The following ASIC2 variants were observed in gnomAD, a reference collection of about 807,000 sequenced individuals.
The protein encoded by ASIC2 is acid sensing ion channel subunit 2, also known as acid-sensing ion channel 2.
ASIC2 carries 25 observed loss-of-function variants against 57.3 expected under a neutral mutation model. That is an observed-to-expected ratio of 0.44 (90% CI 0.32 to 0.61). The LOEUF (loss-of-function observed/expected upper bound fraction) is 0.61, where lower values mean the gene tolerates loss of function less well. ASIC2 is among the 20% of genes least tolerant of loss of function. ASIC2 has a pLI of 0.06. For missense variants in ASIC2, 641 were observed against 738.1 expected, an observed-to-expected ratio of 0.87 and a Z score of 1.52; for synonymous variants, 319 against 307.5, an observed-to-expected ratio of 1.04 and a Z score of -0.39.
At chr17:33,430,009 A>G (rs1338352405) in intron 1 of ASIC2, among the ~76,000 whole-genome samples, 1 of 152,054 alleles carries the variant, frequency 6.6e-6, no homozygotes, top group Non-Finnish European at 1.5e-5. Flanking sequence ...TCCAGATCCT[A>G]CTCATTTCAC....
chr17:33,643,204 A>G (rs1906637562), intron 1 of ASIC2, among the ~76,000 whole-genome samples: 1 of 151,224 alleles, frequency 6.6e-6, no homozygotes, highest in Admixed American at 6.6e-5. Context: ...AAATTATGAC[A>G]TCTTGCCATT....
chr17:33,778,502 A>C (rs1187721374), intron 1 of ASIC2, among the ~76,000 whole-genome samples: 1 of 152,206 alleles, frequency 6.6e-6, no homozygotes, highest in Non-Finnish European at 1.5e-5. Context: ...GATTTGGCCC[A>C]GAAAGACTGT....
chr17:34,122,279 C>T (rs775677044), intron 1 of ASIC2, among the ~76,000 whole-genome samples: 2 of 152,168 alleles, frequency 1.3e-5, no homozygotes, highest in African/African-American at 4.8e-5. Flanking sequence ...AATAAGTGCT[C>T]AGCACACCCA....
intron 2 of ASIC2, among the ~76,000 whole-genome samples, chr17:33,101,921 C>G (rs2092213527): frequency 6.6e-6 from 1 of 151,940 alleles, no homozygotes; most frequent in South Asian, 2.1e-4. Flanking sequence ...TGCTAGTACC[C>G]ATCACTAGAA....
intron 1 of ASIC2, among the ~76,000 whole-genome samples, chr17:33,570,870 G>T (rs1179486780): frequency 6.6e-6 from 1 of 152,102 alleles, no homozygotes. Flanking sequence ...AATGTGGCAG[G>T]CTGGGAGTTC....
chr17:33,773,853 G>T (rs1911190097), intron 1 of ASIC2, among the ~76,000 whole-genome samples: 1 of 151,666 alleles, frequency 6.6e-6, no homozygotes, highest in Non-Finnish European at 1.5e-5. Flanking sequence ...TTTTTGTAGA[G>T]ACAGGGTTTT....
At chr17:33,402,481 C>T (rs1910319135) in intron 1 of ASIC2, among the ~76,000 whole-genome samples, 1 of 152,102 alleles carries the variant, frequency 6.6e-6, no homozygotes, top group Admixed American at 6.5e-5. Context: ...TTGTTCCCCT[C>T]CTTGTGTCCA....
intron 1 of ASIC2, among the ~76,000 whole-genome samples, chr17:34,130,092 G>A (rs1911905498): frequency 6.6e-6 from 1 of 152,234 alleles, no homozygotes; most frequent in Non-Finnish European, 1.5e-5. Flanking sequence ...CAGGCTATCT[G>A]TGGGGTTTAG....
In ASIC2 at chr17:33,368,627, T is replaced by C. The variant is rs917351854; in HGVS notation, c.556-256560A>G. ...TAGCACTGAGTTGCGTGACTTAACCTCCACCACTTTCTACTTTCCATGTTA... is the reference window on the plus strand; with the variant it reads ...TAGCACTGAGTTGCGTGACTTAACCCCCACCACTTTCTACTTTCCATGTTA... On this transcript the variant is annotated intron_variant, in intron 1 of 9. Coordinates refer to the ASIC2 transcript ENST00000359872. Among the ~76,000 whole-genome samples the C allele has an allele frequency of 2.0e-5, 3 of 152,212 alleles. No individual in the cohort carries two copies. In the East Asian group the frequency reaches 5.8e-4, roughly 29 times the overall value.
In ASIC2 at chr17:33,242,453, A is replaced by G. The variant is rs113867496; in HGVS notation, c.708+48955T>C. 7.9e-4 allele frequency among the ~76,000 whole-genome samples: 120 copies of G among 152,294 alleles called. 3 individuals carry two copies. Among genetic ancestry groups the G allele is most frequent in the Middle Eastern group, 3.4e-3 (1 of 294 alleles). ...CCAGTTCTTTCCTAGTTAATCTTCA[A>G]TGCAACCCTGGATAGAGGATATTAT... is the stretch of plus-strand genomic sequence containing the variant. On this transcript the variant is annotated intron_variant, in intron 1 of 9. Coordinates refer to ENST00000225823, the MANE Select transcript of ASIC2 (RefSeq NM_183377.2).
chr17:33,796,536 G>T (rs568475622), intron 1 of ASIC2, among the ~76,000 whole-genome samples: 3 of 152,266 alleles, frequency 2.0e-5, no homozygotes, highest in Admixed American at 6.5e-5. Flanking sequence ...ATGAACATTA[G>T]CTAGCCTGTA....
At chr17:33,084,655 C>T (rs2092127666) in intron 3 of ASIC2, among the ~76,000 whole-genome samples, 1 of 152,204 alleles carries the variant, frequency 6.6e-6, no homozygotes, top group Non-Finnish European at 1.5e-5. Flanking sequence ...CTCAAGTGTC[C>T]CTACAGCATA....
At chr17:33,402,032 G>C (rs2141959239) in intron 1 of ASIC2, among the ~76,000 whole-genome samples, 1 of 152,270 alleles carries the variant, frequency 6.6e-6, no homozygotes, top group Non-Finnish European at 1.5e-5. Flanking sequence ...CAAGAAAGCT[G>C]TTGTCCAGAA....
chr17:33,591,027 G>A (rs8074882), intron 1 of ASIC2, among the ~76,000 whole-genome samples: 1,849 of 152,232 alleles, frequency 0.012, 37 homozygotes, highest in African/African-American at 0.041. Context: ...TCATTCCAAC[G>A]TGCTCAAATG....
intron 1 of ASIC2, among the ~76,000 whole-genome samples, chr17:33,196,563 G>C (rs766900429): frequency 6.6e-6 from 1 of 152,188 alleles, no homozygotes; most frequent in African/African-American, 2.4e-5. Context: ...GCCATTGTCC[G>C]AGGCATGAAG....
At chr17:33,719,528 A>G (rs1909322631) in intron 1 of ASIC2, among the ~76,000 whole-genome samples, 1 of 152,220 alleles carries the variant, frequency 6.6e-6, no homozygotes, top group Non-Finnish European at 1.5e-5. Flanking sequence ...ACTTTGTTGG[A>G]ATAAGATGTT....
chr17:33,225,902 A>G (rs1300142191), intron 1 of ASIC2, among the ~76,000 whole-genome samples: 1 of 152,154 alleles, frequency 6.6e-6, no homozygotes, highest in African/African-American at 2.4e-5. Context: ...AAACCTTCCT[A>G]CCATCATCAC....
At chr17:33,218,999 C>T (rs568626787) in intron 1 of ASIC2, among the ~76,000 whole-genome samples, 2 of 152,318 alleles carry the variant, frequency 1.3e-5, no homozygotes, top group African/African-American at 4.8e-5. Flanking sequence ...TGATCTCTAA[C>T]ATTTTGCAGT....
chr17:33,587,885 C>T (rs1263207532), intron 1 of ASIC2, among the ~76,000 whole-genome samples: 1 of 152,122 alleles, frequency 6.6e-6, no homozygotes, highest in African/African-American at 2.4e-5. Context: ...ATTTTCCTCC[C>T]ACTCGCTCCC....
Sources: allele counts gnomAD v4.1 joint callset (sites outside exome capture counted in the v4.1 genomes callset), GRCh38; gene constraint gnomAD v4.1.1; transcripts MANE v1.5; gene names NCBI Gene and HGNC (gene_info 2026-07-23, HGNC 2026-07-21).